PPP2R5E: variants seen among roughly 807,000 people sequenced by gnomAD.
The protein encoded by PPP2R5E is serine/threonine-protein phosphatase 2A 56 kDa regulatory subunit epsilon isoform.
PPP2R5E carries 4 observed loss-of-function variants against 65.3 expected under a neutral mutation model. The observed-to-expected ratio is 0.06, with a 90% confidence interval of 0.03 to 0.14. PPP2R5E has a LOEUF of 0.14. PPP2R5E is among the 10% of genes least tolerant of loss of function. PPP2R5E has a pLI of 1.00. For synonymous variants in PPP2R5E, 183 were observed against 187.4 expected, an observed-to-expected ratio of 0.98 and a Z score of 0.19; for missense variants, 274 against 556.1, an observed-to-expected ratio of 0.49 and a Z score of 5.10.
At chr14:63,463,019 T>A (rs11848223) in intron 2 of PPP2R5E, among the ~76,000 whole-genome samples, 43,830 of 145,040 alleles carry the variant, frequency 0.3, 8,146 homozygotes, top group African/African-American at 0.53. Flanking sequence ...GGAGAATCGC[T>A]GGAACCTGGG....
intron 3 of PPP2R5E, among the ~76,000 whole-genome samples, chr14:63,423,451 T>C (rs1887151951): frequency 6.6e-6 from 1 of 152,144 alleles, no homozygotes; most frequent in African/African-American, 2.4e-5. Context: ...TTGGTACTAG[T>C]CTCAGGATTC....
At position 63,389,206 on chromosome 14, in the gene PPP2R5E, A is replaced by G. The variant is rs568494843; in HGVS notation, c.1074+406T>C. On this transcript the variant is annotated intron_variant, in intron 11 of 13. Transcript: ENST00000337537. ...TATAAATAATGTACCTAAAGTATCTAGCATAGTAAGGAATATTAGGTTTTC... is the reference window on the plus strand; with the variant it reads ...TATAAATAATGTACCTAAAGTATCTGGCATAGTAAGGAATATTAGGTTTTC... Among the ~76,000 whole-genome samples the G allele has an allele frequency of 5.3e-5, 8 of 151,862 alleles. No individual in the cohort carries two copies. In the South Asian group the frequency reaches 1.7e-3, roughly 32 times the overall value.
intron 2 of PPP2R5E, among the ~76,000 whole-genome samples, chr14:63,490,237 C>T (rs188572918): frequency 4.3e-4 from 65 of 152,014 alleles, no homozygotes; most frequent in South Asian, 2.1e-4. Flanking sequence ...ATATGCAGAA[C>T]GAAACTCGAC....
chr14:63,528,429 A>G (rs1443920742), intron 2 of PPP2R5E, among the ~76,000 whole-genome samples: 2 of 152,218 alleles, frequency 1.3e-5, no homozygotes, highest in African/African-American at 4.8e-5. Context: ...CTTTTGTGAA[A>G]TGAAAGTGAT....
chr14:63,467,974 G>A (rs1405237871), intron 2 of PPP2R5E, among the ~76,000 whole-genome samples: 2 of 152,204 alleles, frequency 1.3e-5, no homozygotes. Flanking sequence ...ATCTATAAAT[G>A]AGGGTATAAT....
chr14:63,409,907 A>C (rs1388810982), intron 5 of PPP2R5E, among the ~76,000 whole-genome samples: 1 of 152,260 alleles, frequency 6.6e-6, no homozygotes, highest in African/African-American at 2.4e-5. Flanking sequence ...CAGAGAAGCC[A>C]GAGTTTGTAT....
chr14:63,460,766 G>C (rs1889410464), intron 2 of PPP2R5E, among the ~76,000 whole-genome samples: 1 of 152,030 alleles, frequency 6.6e-6, no homozygotes, highest in South Asian at 2.1e-4. Flanking sequence ...AAAAACCAAA[G>C]GTCACCACCA....
chr14:63,464,857 T>C (rs951688045), intron 2 of PPP2R5E, among the ~76,000 whole-genome samples: 1 of 151,970 alleles, frequency 6.6e-6, no homozygotes, highest in Admixed American at 6.6e-5. Flanking sequence ...ACCCCGTCTT[T>C]ACTAAAAATA....
chr14:63,485,844 T>C (rs1404858586), intron 2 of PPP2R5E, among the ~76,000 whole-genome samples: 1 of 148,468 alleles, frequency 6.7e-6, no homozygotes, highest in Non-Finnish European at 1.5e-5. Flanking sequence ...TTTTTTTTTT[T>C]TTGATACTGA....
chr14:63,481,495 C>CAAAAAAAAAA (rs59764365), intron 2 of PPP2R5E, among the ~76,000 whole-genome samples: 1 of 93,084 alleles, frequency 1.1e-5, no homozygotes. Flanking sequence ...GACTCCATCT[C>CAAAAAAAAAA]AAAAAAAAAA....
chr14:63,449,599 A>G (rs1164350449), intron 3 of PPP2R5E, among the ~76,000 whole-genome samples: 1 of 152,142 alleles, frequency 6.6e-6, no homozygotes, highest in Admixed American at 6.5e-5. Flanking sequence ...CAGTAAGCAC[A>G]CGTTCTATGG....
At chr14:63,529,622 C>A (rs2139752920) in intron 2 of PPP2R5E, among the ~76,000 whole-genome samples, 1 of 151,992 alleles carries the variant, frequency 6.6e-6, no homozygotes, top group South Asian at 2.1e-4. Context: ...CATGATCCAC[C>A]AACCTCAGCC....
Position 63,374,634 on chromosome 14 carries a change from G to GATTATATAT in PPP2R5E, c.*1374_*1375insATATATAAT, listed in dbSNP as rs1555353678. The GATTATATAT allele has an allele frequency of 3.9e-4, 43 of 109,572 alleles. 1 individual carries two copies. Among genetic ancestry groups the GATTATATAT allele is most frequent in the African/African-American group, 2.0e-3 (41 of 20,672 alleles). The allele number at this position is 109,572 out of a possible 1,614,324, so 6.8% of individuals were successfully genotyped here. On this transcript the variant is annotated 3_prime_UTR_variant, in exon 14 of 14. Coordinates refer to ENST00000337537, the MANE Select transcript of PPP2R5E (RefSeq NM_006246.5). ...TAAATACAAAGCAGAGAGCCAATAA[G>GATTATATAT]ATATATATATATATATATATATATA...
At chr14:63,542,155 C>G (rs139533935) in intron 1 of PPP2R5E, among the ~76,000 whole-genome samples, 1 of 152,100 alleles carries the variant, frequency 6.6e-6, no homozygotes, top group Non-Finnish European at 1.5e-5. Context: ...TTAAAAAAAT[C>G]ATTTACCCCT....
intron 2 of PPP2R5E, among the ~76,000 whole-genome samples, chr14:63,477,980 G>T (rs1426440226): frequency 6.6e-6 from 1 of 152,100 alleles, no homozygotes; most frequent in African/African-American, 2.4e-5. Flanking sequence ...AATTCAGCTT[G>T]GAGATCCTTC....
At chr14:63,403,637 GAAA>G (rs746448979) in intron 5 of PPP2R5E, among the ~76,000 whole-genome samples, 1 of 107,408 alleles carries the variant, frequency 9.3e-6, no homozygotes. Context: ...AGGTCTCCAA[GAAA>G]AAAAAAAAAA....
At chr14:63,528,927 G>A (rs138152598) in intron 2 of PPP2R5E, among the ~76,000 whole-genome samples, 130 of 152,286 alleles carry the variant, frequency 8.5e-4, no homozygotes, top group African/African-American at 3.1e-3. Flanking sequence ...TTTAATGGGG[G>A]AGGGGAGATA....
chr14:63,395,155 T>C, intron 7 of PPP2R5E, 71 bp downstream of exon 7: 4 of 1,313,950 alleles, frequency 3.0e-6, no homozygotes, highest in Non-Finnish European at 4.4e-6. Context: ...TGAGCATCTC[T>C]TGGTGCCACC....
intron 2 of PPP2R5E, among the ~76,000 whole-genome samples, chr14:63,455,942 T>G (rs1342431552): frequency 1.3e-5 from 2 of 152,132 alleles, no homozygotes; most frequent in Non-Finnish European, 2.9e-5. Context: ...AATTTTTGTA[T>G]TTTTAGTAAA....
Sources: allele counts gnomAD v4.1 joint callset (sites outside exome capture counted in the v4.1 genomes callset), GRCh38; gene constraint gnomAD v4.1.1; transcripts MANE v1.5; gene names NCBI Gene and HGNC (gene_info 2026-07-23, HGNC 2026-07-21).